The following MNAT1 variants were observed in gnomAD, a reference collection of about 807,000 sequenced individuals.
MNAT1 encodes the protein MNAT1 component of CDK activating kinase.
Under a neutral mutation model 42.0 loss-of-function variants are expected in MNAT1, and 43 were observed. The observed-to-expected ratio is 1.02, with a 90% CI of 0.80 to 1.32. The LOEUF (loss-of-function observed/expected upper bound fraction) is 1.32, where lower values mean the gene tolerates loss of function less well. MNAT1 is among the 40% of genes most tolerant of loss of function. The pLI is 0.00. For missense variants in MNAT1, 306 were observed against 350.4 expected (o/e 0.87, Z 1.01); for synonymous variants, 118 against 120.0 (o/e 0.98, Z 0.11).
intron 1 of MNAT1, among the ~76,000 whole-genome samples, chr14:60,778,558 C>T (rs774830000): frequency 2.0e-5 from 3 of 152,184 alleles, no homozygotes; most frequent in Non-Finnish European, 4.4e-5. Flanking sequence ...GCCAGCACCA[C>T]TATCTGAGGA....
chr14:60,832,810 T>C (rs1298607456), intron 6 of MNAT1, among the ~76,000 whole-genome samples: 1 of 152,112 alleles, frequency 6.6e-6, no homozygotes, highest in Admixed American at 6.6e-5. Context: ...TATCCATGAG[T>C]ATGGAATTTC....
chr14:60,808,506 C>A, intron 4 of MNAT1, 78 bp downstream of exon 4: 1 of 853,684 alleles, frequency 1.2e-6, no homozygotes, highest in Non-Finnish European at 1.8e-6. Flanking sequence ...AGCCATCTTC[C>A]TTTAAACCAG....
intron 1 of MNAT1, among the ~76,000 whole-genome samples, chr14:60,750,646 T>TA (rs972643930): frequency 6.6e-6 from 1 of 152,018 alleles, no homozygotes; most frequent in African/African-American, 2.4e-5. Context: ...AGCTATTTTT[T>TA]AAAAAAATTA....
chr14:60,942,858 C>T (rs964885102), intron 7 of MNAT1, among the ~76,000 whole-genome samples: 10 of 152,032 alleles, frequency 6.6e-5, no homozygotes, highest in Admixed American at 3.9e-4. Flanking sequence ...TCAAGTTTAA[C>T]CTCACTGTCG....
intron 7 of MNAT1, among the ~76,000 whole-genome samples, chr14:60,944,552 T>A (rs1387530674): frequency 6.6e-6 from 1 of 152,232 alleles, no homozygotes. Context: ...TATTTTGTTA[T>A]AGCAGTTGAA....
At chr14:60,886,369 T>C (rs140050956) in intron 7 of MNAT1, among the ~76,000 whole-genome samples, 1 of 152,206 alleles carries the variant, frequency 6.6e-6, no homozygotes, top group Non-Finnish European at 1.5e-5. Flanking sequence ...CCTCTATTCT[T>C]ACGGACATGG....
At position 60,773,517 on chromosome 14, in the gene MNAT1, A is replaced by G. The variant is rs148243738; in HGVS notation, c.90-22700A>G. Among the ~76,000 whole-genome samples, 741 of 152,292 alleles carry G rather than the reference A, an allele frequency of 4.9e-3. 10 individuals are homozygous for G. The highest frequency in any genetic ancestry group is 0.016 in the African/African-American group (668 of 41,556). ...TGATAAGTGGGCCATAAAAAGCAGG[A>G]TATATATCAATTGGGGTTTGGTCAG... On this transcript the variant is annotated intron_variant, in intron 1 of 7. Transcript: ENST00000261245.
At chr14:60,869,040 A>ATATTTTTTT (rs1465360826) in intron 6 of MNAT1, among the ~76,000 whole-genome samples, 2 of 113,054 alleles carry the variant, frequency 1.8e-5, no homozygotes, top group African/African-American at 6.8e-5. Context: ...ATATATATAT[A>ATATTTTTTT]TTTTTTTTTT....
intron 6 of MNAT1, among the ~76,000 whole-genome samples, chr14:60,874,669 A>G (rs1231896894): frequency 6.6e-6 from 1 of 152,098 alleles, no homozygotes; most frequent in East Asian, 1.9e-4. Flanking sequence ...TAATTCAAAT[A>G]TAACTTATAA....
At chr14:60,850,682 G>A (rs558163883) in intron 6 of MNAT1, among the ~76,000 whole-genome samples, 1 of 152,272 alleles carries the variant, frequency 6.6e-6, no homozygotes, top group East Asian at 1.9e-4. Flanking sequence ...CAATCTTTGA[G>A]CAGCCTTCTT....
intron 7 of MNAT1, among the ~76,000 whole-genome samples, chr14:60,963,023 C>T (rs1743345390): frequency 6.6e-6 from 1 of 152,014 alleles, no homozygotes; most frequent in Non-Finnish European, 1.5e-5. Flanking sequence ...GCTCTGTCGC[C>T]CAGGCTGGAG....
intron 6 of MNAT1, among the ~76,000 whole-genome samples, chr14:60,828,944 T>C (rs920788168): frequency 6.6e-6 from 1 of 152,146 alleles, no homozygotes; most frequent in Non-Finnish European, 1.5e-5. Flanking sequence ...CCATGCCCTC[T>C]CGGGGTGGGC....
intron 6 of MNAT1, among the ~76,000 whole-genome samples, chr14:60,835,314 C>G (rs905690438): frequency 1.3e-5 from 2 of 151,946 alleles, no homozygotes; most frequent in South Asian, 4.2e-4. Context: ...TTATTTTGCC[C>G]GTTAGTTGAG....
At chr14:60,936,431 C>T (rs911637186) in intron 7 of MNAT1, among the ~76,000 whole-genome samples, 4 of 139,658 alleles carry the variant, frequency 2.9e-5, no homozygotes, top group East Asian at 2.3e-4. Context: ...TTCCTGTGTC[C>T]GTGTGTTCTC....
chr14:60,824,457 A>G lies in MNAT1; in HGVS notation c.687+5610A>G, dbSNP rs550094246. ...TATCAGATATTCATGATCAGTTTCA[A>G]ACTTTCAAATGTTGGAAGTATTAAC... On this transcript the variant is annotated intron_variant, in intron 6 of 7. Transcript: ENST00000261245. Among the ~76,000 whole-genome samples the G allele has an allele frequency of 4.6e-5, 7 of 152,312 alleles. No individual in the cohort carries two copies. The South Asian group carries it at 1.0e-3, about 23-fold the overall frequency.
At chr14:60,858,261 G>T (rs1273328770) in intron 6 of MNAT1, among the ~76,000 whole-genome samples, 1 of 152,034 alleles carries the variant, frequency 6.6e-6, no homozygotes, top group Non-Finnish European at 1.5e-5. Context: ...TTTAATGATT[G>T]CCATTCTCAC....
chr14:60,954,909 G>A (rs773991202), intron 7 of MNAT1, among the ~76,000 whole-genome samples: 1 of 151,950 alleles, frequency 6.6e-6, no homozygotes. Flanking sequence ...TATGTAATTT[G>A]TTGATAGTTT....
rs987391845 is a variant in MNAT1, at chr14:60,796,232, A to G, written c.105A>G (p.Val35=). The change falls in exon 2 of 8, where the codon GTA becomes GTG. Residue 35 remains valine (V), a synonymous_variant. Transcript: ENST00000261245. ...GTCCTTACAGCTGTGAAAGTTGTGT[A>G]GATTTACTGTTTGTGAGAGGAGCTG... The part of the protein sequence containing the change: ...VCGHTLCESC[V]DLLFVRGAGN... 6.2e-7 allele frequency: 1 copy of G among 1,611,158 alleles called. No individual in the cohort carries two copies. Among genetic ancestry groups the G allele is most frequent in the African/African-American group, 1.3e-5 (1 of 74,798 alleles).
At chr14:60,790,544 A>C (rs983806367) in intron 1 of MNAT1, among the ~76,000 whole-genome samples, 8 of 152,164 alleles carry the variant, frequency 5.3e-5, no homozygotes, top group African/African-American at 1.9e-4. Flanking sequence ...ACCGATGTAC[A>C]TCTTACACAT....
Sources: gnomAD v4.1 joint callset for allele counts (sites outside exome capture counted in the v4.1 genomes callset) on GRCh38, gnomAD v4.1.1 for gene constraint, MANE v1.5 for transcripts, NCBI Gene and HGNC (gene_info 2026-07-23, HGNC 2026-07-21) for gene names.